SHROOM3: variants seen among roughly 807,000 people sequenced by gnomAD.
The protein encoded by SHROOM3 is shroom family member 3, also known as protein Shroom3.
In SHROOM3, 47 loss-of-function variants were observed where a neutral mutation model predicts 138.6. The ratio of observed to expected loss-of-function variants is 0.34; its 90% CI spans 0.27 to 0.43. SHROOM3 has a LOEUF of 0.43. Among genes scored for constraint, SHROOM3 ranks in the 20% least tolerant of loss-of-function variants. SHROOM3 has a pLI of 1.00. For missense variants in SHROOM3, 2,491 were observed against 2,596.5 expected, an observed-to-expected ratio of 0.96 and a Z score of 0.88; for synonymous variants, 1,062 against 1,063.3, an observed-to-expected ratio of 1.00 and a Z score of 0.02.
At chr4:76,534,080 G>A (rs894973196) in intron 1 of SHROOM3, among the ~76,000 whole-genome samples, 2 of 152,194 alleles carry the variant, frequency 1.3e-5, no homozygotes, top group African/African-American at 4.8e-5. Flanking sequence ...AAGAGATTAT[G>A]TATGAAAAGA....
At chr4:76,630,714 G>C (rs1006547884) in intron 2 of SHROOM3, among the ~76,000 whole-genome samples, 9 of 152,192 alleles carry the variant, frequency 5.9e-5, no homozygotes, top group Non-Finnish European at 1.0e-4. Flanking sequence ...AGGCGACTCT[G>C]CCACGAGCTT....
At chr4:76,668,025 G>A (rs916925949) in intron 2 of SHROOM3, among the ~76,000 whole-genome samples, 17 of 150,254 alleles carry the variant, frequency 1.1e-4, no homozygotes, top group Non-Finnish European at 2.1e-4. Context: ...GGTGCGGGGA[G>A]GGAGCACATA....
chr4:76,759,782 GAGGC>G, intron 9 of SHROOM3, 87 bp downstream of exon 9: 1 of 1,500,222 alleles, frequency 6.7e-7, no homozygotes, highest in Non-Finnish European at 9.1e-7. Flanking sequence ...TGGGCCTCTT[GAGGC>G]AGGTGGGGAA....
intron 1 of SHROOM3, among the ~76,000 whole-genome samples, chr4:76,495,177 G>A (rs1046524744): frequency 2.0e-5 from 3 of 152,224 alleles, no homozygotes; most frequent in Non-Finnish European, 4.4e-5. Context: ...GCCTGTAGAC[G>A]CAGGAGATTG....
intron 1 of SHROOM3, among the ~76,000 whole-genome samples, chr4:76,538,181 G>A (rs904030711): frequency 6.6e-6 from 1 of 152,222 alleles, no homozygotes; most frequent in Non-Finnish European, 1.5e-5. Flanking sequence ...TTACAGGCGT[G>A]AGCCACTGCA....
At chr4:76,513,470 C>T (rs34459228) in intron 1 of SHROOM3, among the ~76,000 whole-genome samples, 44,399 of 151,928 alleles carry the variant, frequency 0.29, 7,307 homozygotes, top group African/African-American at 0.43. Context: ...CCTGCCACCA[C>T]GCCCAGCTAA....
intron 2 of SHROOM3, among the ~76,000 whole-genome samples, chr4:76,608,546 A>ATAGCATAGCGTAGCATAGCG (rs1553928136): frequency 1.5e-5 from 1 of 65,502 alleles, no homozygotes; most frequent in African/African-American, 5.3e-5. Context: ...ATAGCATAGC[A>ATAGCATAGCGTAGCATAGCG]TAGCATAGCA....
At chr4:76,478,226 G>A (rs926996794) in intron 1 of SHROOM3, among the ~76,000 whole-genome samples, 1 of 152,190 alleles carries the variant, frequency 6.6e-6, no homozygotes, top group African/African-American at 2.4e-5. Flanking sequence ...AAGATCCACT[G>A]GCTTGAAATT....
chr4:76,494,587 G>A lies in SHROOM3; in HGVS notation c.168+58367G>A, dbSNP rs567773904. Among the ~76,000 whole-genome samples the A allele has an allele frequency of 9.8e-5, 15 of 152,304 alleles. No individual in the cohort carries two copies. The South Asian group carries it at 2.1e-3, about 21-fold the overall frequency. Reference sequence around the variant, plus strand: ...GCAAGAGAATGAACGGGAATCAGGCGGAACATACTGATACTGACACATGTG... The same window carrying A: ...GCAAGAGAATGAACGGGAATCAGGCAGAACATACTGATACTGACACATGTG... On this transcript the variant is annotated intron_variant, in intron 1 of 10. Transcript: ENST00000296043.
At chr4:76,527,579 T>C (rs1482572903) in intron 1 of SHROOM3, among the ~76,000 whole-genome samples, 1 of 152,230 alleles carries the variant, frequency 6.6e-6, no homozygotes, top group Non-Finnish European at 1.5e-5. Context: ...GGAGTGCTTT[T>C]TGTTGCATGT....
At chr4:76,744,630 GC>G (rs1173608539) in intron 5 of SHROOM3, among the ~76,000 whole-genome samples, 1 of 152,180 alleles carries the variant, frequency 6.6e-6, no homozygotes, top group African/African-American at 2.4e-5. Flanking sequence ...TTATCAGTAA[GC>G]TTTTGGGAAG....
intron 1 of SHROOM3, among the ~76,000 whole-genome samples, chr4:76,533,054 T>C (rs1732866089): frequency 6.6e-6 from 1 of 152,190 alleles, no homozygotes; most frequent in African/African-American, 2.4e-5. Context: ...CAGTGCAAGA[T>C]TTCATAATTC....
rs201363449 is a variant in SHROOM3 at position 76,441,187 on chromosome 4, T to C, written c.168+4967T>C. ...TCGGCTCACTGCAAGCTCCGCCTCC[T>C]GGGTTCACGCCATTCTCCTGCCTCA... On this transcript the variant is annotated intron_variant, in intron 1 of 10. Coordinates refer to ENST00000296043, the MANE Select transcript of SHROOM3 (RefSeq NM_020859.4). Among the ~76,000 whole-genome samples the C allele has an allele frequency of 2.9e-4, 41 of 143,154 alleles. No individual in the cohort carries two copies. The South Asian group carries it at 3.8e-3, about 13-fold the overall frequency. 93.9% of individuals were successfully genotyped at this position (143,154 alleles called of 152,430 possible).
At chr4:76,776,006 AG>A (rs1722553012) in intron 10 of SHROOM3, among the ~76,000 whole-genome samples, 1 of 152,074 alleles carries the variant, frequency 6.6e-6, no homozygotes, top group Admixed American at 6.6e-5. Flanking sequence ...GTGGGATTGC[AG>A]GATCAAATGA....
intron 8 of SHROOM3, 133 bp downstream of exon 8, chr4:76,757,070 C>T (rs1291698297): frequency 3.5e-6 from 5 of 1,440,478 alleles, no homozygotes; most frequent in Non-Finnish European, 4.8e-6. Flanking sequence ...CATTTTATCT[C>T]AGTCTTGGAG....
At chr4:76,675,521 C>A (rs926881945) in intron 2 of SHROOM3, among the ~76,000 whole-genome samples, 3 of 152,110 alleles carry the variant, frequency 2.0e-5, no homozygotes, top group African/African-American at 7.2e-5. Flanking sequence ...GTAGTCCCTT[C>A]CCTCAAGAAT....
In SHROOM3 at chr4:76,741,711, C is replaced by G. The variant is rs966707709; in HGVS notation, c.3538C>G (p.Leu1180Val). Residue 1180 changes from leucine to valine, a missense_variant, in exon 5 of 11, where the codon CTC (leucine) becomes GTC (valine). Transcript: ENST00000296043. The surrounding 1 kb of genome is among the most constrained non-coding windows in gnomAD (Gnocchi z 6.2). ...CAGCTCCTTCGCCGGTGGCCGCCGC[C>G]TCGGGGAACGGCGACGCGGGGACCT... ...RSSSFAGGRR[L>V]GERRRGDLLS... 2.6e-6 allele frequency: 4 copies of G among 1,554,120 alleles called. No homozygotes were observed. The highest frequency in any genetic ancestry group is 3.5e-6 in the Non-Finnish European group (4 of 1,150,050).
intron 2 of SHROOM3, among the ~76,000 whole-genome samples, chr4:76,609,751 A>G (rs1734723356): frequency 1.3e-5 from 2 of 152,148 alleles, no homozygotes; most frequent in South Asian, 4.1e-4. Flanking sequence ...CCCATCCACC[A>G]CTTCCTAACA....
intron 2 of SHROOM3, among the ~76,000 whole-genome samples, chr4:76,624,371 GACAGT>G (rs1735076882): frequency 6.6e-6 from 1 of 152,158 alleles, no homozygotes; most frequent in Admixed American, 6.6e-5. Context: ...GTCTACAAAA[GACAGT>G]ACATTAGAGC....
Sources: gnomAD v4.1 joint callset for allele counts (sites outside exome capture counted in the v4.1 genomes callset) on GRCh38, gnomAD v4.1.1 for gene constraint, Gnocchi (gnomAD v3.1) non-coding constraint, MANE v1.5 for transcripts, NCBI Gene and HGNC (gene_info 2026-07-23, HGNC 2026-07-21) for gene names.